SAMSN1: variants seen among roughly 807,000 people sequenced by gnomAD.
SAMSN1 encodes SAM domain-containing protein SAMSN-1.
SAMSN1 carries 31 observed loss-of-function variants against 42.0 expected under a neutral mutation model. The ratio of observed to expected loss-of-function variants is 0.74; its 90% confidence interval spans 0.55 to 1.00. The LOEUF (loss-of-function observed/expected upper bound fraction) is 1.00. Ranked by LOEUF, SAMSN1 falls within the 50% of genes least tolerant of loss-of-function variation. The probability of loss-of-function intolerance (pLI) is 0.00; values close to 1 mark genes in which losing one functional copy is unlikely to be tolerated. For synonymous variants in SAMSN1, 178 were observed against 151.9 expected, an observed-to-expected ratio of 1.17 and a Z score of -1.26; for missense variants, 464 against 439.4, an observed-to-expected ratio of 1.06 and a Z score of -0.50.
At chr21:14,537,172 C>T (rs1979679528) in intron 1 of SAMSN1, among the ~76,000 whole-genome samples, 2 of 152,220 alleles carry the variant, frequency 1.3e-5, no homozygotes, top group African/African-American at 4.8e-5. Context: ...TCCCGCTATG[C>T]ACTCTGCCCC....
chr21:14,545,350 C>T (rs1980320154), intron 1 of SAMSN1, among the ~76,000 whole-genome samples: 1 of 151,760 alleles, frequency 6.6e-6, no homozygotes, highest in Non-Finnish European at 1.5e-5. Context: ...TAAATCAATC[C>T]TTAAAAAAAA....
intron 1 of SAMSN1, among the ~76,000 whole-genome samples, chr21:14,654,361 C>T (rs1451022672): frequency 6.6e-6 from 1 of 152,008 alleles, no homozygotes; most frequent in African/African-American, 2.4e-5. Flanking sequence ...CTAAGTAAGT[C>T]ATGAGTGCTC....
intron 1 of SAMSN1, among the ~76,000 whole-genome samples, chr21:14,523,964 C>T (rs1978667803): frequency 3.9e-5 from 6 of 152,164 alleles, no homozygotes; most frequent in Admixed American, 2.6e-4. Context: ...TACTCAATAG[C>T]TTTATGCCAT....
chr21:14,541,022 A>G (rs1979985211), intron 1 of SAMSN1, among the ~76,000 whole-genome samples: 5 of 151,570 alleles, frequency 3.3e-5, no homozygotes. Flanking sequence ...TGAGCAAACT[A>G]TTGCAAGGAC....
intron 1 of SAMSN1, among the ~76,000 whole-genome samples, chr21:14,544,278 T>C (rs181452522): frequency 7.2e-5 from 11 of 152,200 alleles, no homozygotes; most frequent in Admixed American, 1.3e-4. Context: ...CTGGAACTCC[T>C]GAACTCAAGT....
At chr21:14,574,171 G>A (rs368392663) in intron 2 of SAMSN1, among the ~76,000 whole-genome samples, 1 of 152,102 alleles carries the variant, frequency 6.6e-6, no homozygotes, top group Non-Finnish European at 1.5e-5. Flanking sequence ...GGTCTTTCAT[G>A]GCTAATAAGC....
At chr21:14,555,093 C>T (rs530696046) in intron 2 of SAMSN1, among the ~76,000 whole-genome samples, 15 of 152,138 alleles carry the variant, frequency 9.9e-5, no homozygotes, top group African/African-American at 3.4e-4. Context: ...TTTCCATGCC[C>T]TGCTGGGCTG....
At chr21:14,556,354 G>T (rs953350115) in intron 2 of SAMSN1, among the ~76,000 whole-genome samples, 1 of 152,126 alleles carries the variant, frequency 6.6e-6, no homozygotes, top group African/African-American at 2.4e-5. Flanking sequence ...CCAATTGCAT[G>T]TCAGTTTAAT....
chr21:14,498,420 A>G (rs763644730), intron 7 of SAMSN1, 22 bp downstream of exon 7: 2 of 1,577,988 alleles, frequency 1.3e-6, no homozygotes, highest in Non-Finnish European at 8.6e-7. Context: ...AGCTGGGGAG[A>G]AGAGTAGGTG....
chr21:14,517,879 G>A (rs1987984594), intron 2 of SAMSN1, among the ~76,000 whole-genome samples: 1 of 151,850 alleles, frequency 6.6e-6, no homozygotes, highest in South Asian at 2.1e-4. Context: ...TACCCACCTT[G>A]CCCCTCGCTA....
At chr21:14,581,995 C>G (rs1470836778) in intron 2 of SAMSN1, 2 of 732,686 alleles carry the variant, frequency 2.7e-6, no homozygotes, top group East Asian at 5.5e-5. Flanking sequence ...AGTTTGGTTG[C>G]TTTTTGGAAA....
chr21:14,606,627 T>C (rs895404008), intron 5 of SAMSN1, among the ~76,000 whole-genome samples: 15 of 152,206 alleles, frequency 9.9e-5, no homozygotes, highest in Non-Finnish European at 2.1e-4. Context: ...TAACCTGAAT[T>C]ATAGATTAAT....
intron 2 of SAMSN1, among the ~76,000 whole-genome samples, chr21:14,559,649 G>A (rs754355309): frequency 2.6e-5 from 4 of 151,950 alleles, no homozygotes; most frequent in Non-Finnish European, 5.9e-5. Context: ...ACAGGTGTTG[G>A]CCACCATGCC....
chr21:14,487,758 A>T (rs1276256983), intron 7 of SAMSN1, among the ~76,000 whole-genome samples: 2 of 152,116 alleles, frequency 1.3e-5, no homozygotes, highest in African/African-American at 4.8e-5. Flanking sequence ...GAATCTTCAC[A>T]TTTGCCCCAC....
chr21:14,599,108 C>T (rs746626077), intron 6 of SAMSN1, among the ~76,000 whole-genome samples: 6 of 152,106 alleles, frequency 3.9e-5, no homozygotes, highest in Admixed American at 2.0e-4. Context: ...ATAATTTGGA[C>T]GTTTGTTGTT....
chr21:14,492,527 G>C (rs1286563181), intron 7 of SAMSN1, among the ~76,000 whole-genome samples: 1 of 152,092 alleles, frequency 6.6e-6, no homozygotes, highest in Non-Finnish European at 1.5e-5. Context: ...GTCTTGTTTG[G>C]CCAGGGTAAT....
intron 2 of SAMSN1, among the ~76,000 whole-genome samples, chr21:14,567,299 G>GAAA (rs10714214): frequency 2.2e-5 from 3 of 137,918 alleles, no homozygotes; most frequent in South Asian, 2.3e-4. Context: ...CGGCAAGCTT[G>GAAA]AAAAAAAAAA....
chr21:14,504,706 C>T (rs1987323034), intron 5 of SAMSN1, among the ~76,000 whole-genome samples: 1 of 152,190 alleles, frequency 6.6e-6, no homozygotes, highest in Admixed American at 6.5e-5. Context: ...GAAAACTTCC[C>T]TGGCCTTGCT....
At chr21:14,490,594 T>C (rs958492809) in intron 7 of SAMSN1, among the ~76,000 whole-genome samples, 1 of 152,200 alleles carries the variant, frequency 6.6e-6, no homozygotes, top group Non-Finnish European at 1.5e-5. Flanking sequence ...CATTCTTAAG[T>C]TACCTGAACA....
Sources: allele counts gnomAD v4.1 joint callset (sites outside exome capture counted in the v4.1 genomes callset), GRCh38; gene constraint gnomAD v4.1.1; transcripts MANE v1.5; gene names NCBI Gene and HGNC (gene_info 2026-07-23, HGNC 2026-07-21).